ZC3H7A: variants seen among roughly 807,000 people sequenced by gnomAD.
ZC3H7A encodes zinc finger CCCH-type containing 7A.
In ZC3H7A, 44 loss-of-function variants were observed where a neutral mutation model predicts 125.5. The observed-to-expected ratio is 0.35, with a 90% CI of 0.28 to 0.45. ZC3H7A has a LOEUF of 0.45. Among genes scored for constraint, ZC3H7A ranks in the 20% least tolerant of loss-of-function variants. The pLI is 1.00. For synonymous variants in ZC3H7A, 399 were observed against 391.2 expected (o/e 1.02, Z -0.23); for missense variants, 977 against 1,170.7 (o/e 0.83, Z 2.41).
Position 11,782,297 on chromosome 16 carries a change from G to A in ZC3H7A, c.58C>T (p.Gln20Ter). ...CTCTGAAGCTCTTACTGTATAAACT[G>A]CAGTCCTTCCTTAATGTTCTGCTGC... ...KRQQNIKEGL[Q>*]FIQSPLSYPG... The change falls in exon 2 of 23, where the codon CAG (glutamine) becomes TAG (stop). Residue 20 changes from glutamine to a stop codon, truncating the protein, a stop_gained. Coordinates refer to ENST00000355758, the MANE Select transcript of ZC3H7A (RefSeq NM_014153.4). LOFTEE classifies it high-confidence loss of function. 1 of 1,614,134 alleles carries A rather than the reference G, an allele frequency of 6.2e-7. No homozygotes were observed. Among genetic ancestry groups the A allele is most frequent in the Non-Finnish European group, 8.5e-7 (1 of 1,179,998 alleles).
At chr16:11,764,183 C>A (rs868128333) in intron 15 of ZC3H7A, among the ~76,000 whole-genome samples, 13 of 152,124 alleles carry the variant, frequency 8.5e-5, no homozygotes, top group African/African-American at 2.9e-4. Context: ...GAGGCCAAGA[C>A]GGGTGGATCA....
chr16:11,752,844 C>G lies in ZC3H7A; in HGVS notation c.2563-12G>C. On this transcript the variant is annotated splice_polypyrimidine_tract_variant and intron_variant, in intron 21 of 22. Coordinates refer to ENST00000355758, the MANE Select transcript of ZC3H7A (RefSeq NM_014153.4). ...CAGTGAAAGTCCACCTAATGTGCAG[C>G]AAAGACACATGTCCCATTAGTCACC... 6.2e-7 allele frequency: 1 copy of G among 1,609,856 alleles called. No individual in the cohort carries two copies. The highest frequency in any genetic ancestry group is 8.5e-7 in the Non-Finnish European group (1 of 1,178,438).
intron 15 of ZC3H7A, among the ~76,000 whole-genome samples, 192 bp from the exon 16 acceptor site, chr16:11,763,851 T>C (rs990958810): frequency 6.8e-6 from 1 of 147,670 alleles, no homozygotes; most frequent in Non-Finnish European, 1.5e-5. Flanking sequence ...TCGCCCAGGC[T>C]GGAGTGCAGT....
intron 7 of ZC3H7A, 69 bp from the exon 8 acceptor site, chr16:11,775,082 C>G: frequency 6.4e-7 from 1 of 1,566,870 alleles, no homozygotes; most frequent in Non-Finnish European, 8.8e-7. Flanking sequence ...ATCAGTAAAA[C>G]TCACCCTAGG....
chr16:11,757,308 C>G (rs1297045002), intron 20 of ZC3H7A, among the ~76,000 whole-genome samples: 1 of 151,796 alleles, frequency 6.6e-6, no homozygotes, highest in Non-Finnish European at 1.5e-5. Flanking sequence ...CACGGTGAAA[C>G]CCCGGCTCTA....
At chr16:11,775,173 C>A (rs563873456) in intron 7 of ZC3H7A, among the ~76,000 whole-genome samples, 160 bp from the exon 8 acceptor site, 3 of 152,070 alleles carry the variant, frequency 2.0e-5, no homozygotes, top group Non-Finnish European at 2.9e-5. Context: ...GAGTTTGAGA[C>A]CAGCCTGGCC....
intron 9 of ZC3H7A, among the ~76,000 whole-genome samples, chr16:11,772,173 C>T (rs918137444): frequency 2.0e-5 from 3 of 148,298 alleles, no homozygotes; most frequent in Non-Finnish European, 3.0e-5. Flanking sequence ...CCAGCCTGGG[C>T]GACAGAGTGA....
chr16:11,777,022 A>T, intron 4 of ZC3H7A, 113 bp from the exon 5 acceptor site: 1 of 749,986 alleles, frequency 1.3e-6, no homozygotes, highest in Non-Finnish European at 2.0e-6. Context: ...CTCCCTCTAA[A>T]CTCCAAGTTA....
chr16:11,788,636 C>T (rs113987584), intron 1 of ZC3H7A, among the ~76,000 whole-genome samples: 1,526 of 145,806 alleles, frequency 0.01, 29 homozygotes, highest in African/African-American at 0.037. Flanking sequence ...TTTTTTGAGA[C>T]GCAGTCTCCC....
intron 19 of ZC3H7A, among the ~76,000 whole-genome samples, chr16:11,760,138 A>AAAAAAAAAAAAAAAAAG (rs1567374763): frequency 5.5e-5 from 8 of 145,596 alleles, no homozygotes; most frequent in Non-Finnish European, 7.5e-5. Context: ...AAAAAAAAAA[A>AAAAAAAAAAAAAAAAAG]AAAAAAAGAA....
intron 19 of ZC3H7A, 32 bp downstream of exon 19, chr16:11,761,374 T>G: frequency 6.3e-7 from 1 of 1,599,860 alleles, no homozygotes; most frequent in Non-Finnish European, 8.6e-7. Context: ...ATGCCTAATT[T>G]AAAAAAAGTG....
intron 4 of ZC3H7A, among the ~76,000 whole-genome samples, chr16:11,778,257 T>A (rs2053115540): frequency 6.6e-6 from 1 of 151,634 alleles, no homozygotes. Flanking sequence ...GGCAACACAG[T>A]GAAACCCCAT....
At position 11,765,132 on chromosome 16, in the gene ZC3H7A, T is replaced by A; in HGVS notation, c.1741A>T (p.Arg581Ter). 1 of 1,573,160 alleles carries A rather than the reference T, an allele frequency of 6.4e-7. No individual in the cohort carries two copies. The highest frequency in any genetic ancestry group is 8.6e-7 in the Non-Finnish European group (1 of 1,160,954). The change falls in exon 15 of 23, where the codon AGA becomes TGA. Residue 581 changes from arginine to a stop codon, truncating the protein, a stop_gained. Transcript: ENST00000355758. LOFTEE classifies it high-confidence loss of function. The surrounding 1 kb of genome is among the most constrained non-coding windows in gnomAD (Gnocchi z 4.8). ...LCEKCFDHKP[R>*]MISKRNKDNS... ...TCTTTATTTCTTTTACTTATCATTCTAGGCTTATGATCAAAACATTTCTGG... is the reference window on the plus strand; with the variant it reads ...TCTTTATTTCTTTTACTTATCATTCAAGGCTTATGATCAAAACATTTCTGG...
intron 19 of ZC3H7A, 125 bp from the exon 20 acceptor site, chr16:11,758,664 G>C: frequency 1.6e-6 from 1 of 639,878 alleles, no homozygotes; most frequent in Non-Finnish European, 2.7e-6. Flanking sequence ...TCTAAAGTAA[G>C]ATTAATTTGA....
chr16:11,759,154 T>A (rs1260001319), intron 19 of ZC3H7A: 2 of 152,216 alleles, frequency 1.3e-5, no homozygotes, highest in Non-Finnish European at 2.9e-5. Context: ...GTGATACTGG[T>A]AGGAAAATAA....
chr16:11,756,450 A>C (rs2052650683), intron 20 of ZC3H7A, 80 bp from the exon 21 acceptor site: 1 of 1,550,962 alleles, frequency 6.4e-7, no homozygotes, highest in Non-Finnish European at 8.7e-7. Flanking sequence ...ATTTTGTAGC[A>C]GTCAGCATAC....
intron 20 of ZC3H7A, 83 bp from the exon 21 acceptor site, chr16:11,756,453 C>A: frequency 6.5e-7 from 1 of 1,537,794 alleles, no homozygotes; most frequent in South Asian, 1.3e-5. Context: ...TTGTAGCAGT[C>A]AGCATACAGT....
chr16:11,756,138 G>A (rs2052643631), intron 21 of ZC3H7A, 99 bp downstream of exon 21: 2 of 1,500,200 alleles, frequency 1.3e-6, no homozygotes, highest in Non-Finnish European at 9.0e-7. Context: ...ACTCCAGCCT[G>A]GTGACACAAC....
At chr16:11,764,050 T>G (rs2052809543) in intron 15 of ZC3H7A, among the ~76,000 whole-genome samples, 1 of 151,574 alleles carries the variant, frequency 6.6e-6, no homozygotes, top group Non-Finnish European at 1.5e-5. Context: ...TGCCTCGGCC[T>G]CCCAAAGTGC....
Sources: allele counts gnomAD v4.1 joint callset (sites outside exome capture counted in the v4.1 genomes callset), GRCh38; gene constraint gnomAD v4.1.1; non-coding constraint Gnocchi (gnomAD v3.1); transcripts MANE v1.5; gene names NCBI Gene and HGNC (gene_info 2026-07-23, HGNC 2026-07-21).